Variants in USH2A observed in about 807,000 individuals in gnomAD.
USH2A encodes the protein Usher syndrome 2A (autosomal recessive, mild).
Under a neutral mutation model 538.9 loss-of-function variants are expected in USH2A, and 443 were observed. The observed-to-expected ratio is 0.82, with a 90% confidence interval of 0.76 to 0.89. The LOEUF is 0.89. USH2A is among the 40% of genes least tolerant of loss of function. The pLI is 0.00. For synonymous variants in USH2A, 2,413 were observed against 2,273.5 expected, an observed-to-expected ratio of 1.06 and a Z score of -1.75; for missense variants, 6,633 against 6,324.8, an observed-to-expected ratio of 1.05 and a Z score of -1.65.
At chr1:216,072,165 T>G (rs2031578328) in intron 29 of USH2A, among the ~76,000 whole-genome samples, 1 of 152,200 alleles carries the variant, frequency 6.6e-6, no homozygotes, top group Non-Finnish European at 1.5e-5. Flanking sequence ...GTGTTCAGTT[T>G]CCTGACAAAT....
intron 21 of USH2A, among the ~76,000 whole-genome samples, chr1:216,134,246 CTTATT>C (rs2033435634): frequency 5.3e-5 from 8 of 151,876 alleles, no homozygotes; most frequent in Admixed American, 5.3e-4. Flanking sequence ...TCTCATATTT[CTTATT>C]TATTTTTAAA....
chr1:215,739,308 A>C (rs892490305), intron 60 of USH2A, among the ~76,000 whole-genome samples: 1 of 152,168 alleles, frequency 6.6e-6, no homozygotes, highest in Non-Finnish European at 1.5e-5. Context: ...GATTAGAATA[A>C]TCAGATGCCA....
At chr1:216,168,872 A>T (rs1405705695) in intron 21 of USH2A, among the ~76,000 whole-genome samples, 1 of 152,086 alleles carries the variant, frequency 6.6e-6, no homozygotes, top group Admixed American at 6.6e-5. Flanking sequence ...TTGACTCCCT[A>T]GGATTTCATG....
intron 3 of USH2A, among the ~76,000 whole-genome samples, chr1:216,414,696 C>T (rs756805202): frequency 6.6e-6 from 1 of 151,934 alleles, no homozygotes; most frequent in African/African-American, 2.4e-5. Context: ...TGGGCCATTC[C>T]ACGAATAGAG....
intron 43 of USH2A, among the ~76,000 whole-genome samples, chr1:215,873,077 C>T (rs1031695983): frequency 1.3e-5 from 2 of 151,404 alleles, no homozygotes; most frequent in Admixed American, 6.6e-5. Flanking sequence ...GGAGGTAACA[C>T]ATAATATGAT....
chr1:216,415,817 C>A (rs181237866), intron 3 of USH2A, among the ~76,000 whole-genome samples: 1 of 151,986 alleles, frequency 6.6e-6, no homozygotes, highest in South Asian at 2.1e-4. Context: ...TGAACCACTG[C>A]GCCTGGCCTC....
intron 32 of USH2A, among the ~76,000 whole-genome samples, chr1:216,035,604 A>C (rs1163570027): frequency 1.3e-5 from 2 of 152,196 alleles, no homozygotes; most frequent in Non-Finnish European, 2.9e-5. Flanking sequence ...ATAATTGAGC[A>C]ACAAATATTT....
At chr1:216,078,940 T>A (rs1177293881) in intron 26 of USH2A, 2 of 152,564 alleles carry the variant, frequency 1.3e-5, no homozygotes, top group Non-Finnish European at 2.9e-5. Context: ...ATGTGTATTC[T>A]ATTAGATGAC....
chr1:216,050,341 G>A (rs1261533771), intron 30 of USH2A, among the ~76,000 whole-genome samples: 2 of 152,054 alleles, frequency 1.3e-5, no homozygotes, highest in African/African-American at 4.8e-5. Flanking sequence ...AATAATCTCG[G>A]TCTTGAAGGA....
intron 11 of USH2A, among the ~76,000 whole-genome samples, chr1:216,285,629 G>A (rs942969475): frequency 1.3e-5 from 2 of 152,180 alleles, no homozygotes; most frequent in Non-Finnish European, 2.9e-5. Context: ...CCTCAGAATG[G>A]TAGATCCACC....
intron 9 of USH2A, among the ~76,000 whole-genome samples, chr1:216,304,124 T>C (rs1018955693): frequency 2.0e-5 from 3 of 152,016 alleles, no homozygotes; most frequent in African/African-American, 7.2e-5. Context: ...TACCATTTTA[T>C]GTACCACTCA....
At chr1:215,938,739 A>C (rs1348222284) in intron 37 of USH2A, among the ~76,000 whole-genome samples, 1 of 152,236 alleles carries the variant, frequency 6.6e-6, no homozygotes, top group Non-Finnish European at 1.5e-5. Flanking sequence ...TTTGAAGTTG[A>C]GTTGCCCTCC....
intron 21 of USH2A, among the ~76,000 whole-genome samples, chr1:216,105,442 T>G (rs2032708013): frequency 6.6e-6 from 1 of 152,084 alleles, no homozygotes. Context: ...CTTACCTCTA[T>G]CAAATTTTAA....
chr1:216,050,901 G>A (rs916592528), intron 30 of USH2A, among the ~76,000 whole-genome samples: 21 of 151,904 alleles, frequency 1.4e-4, no homozygotes, highest in African/African-American at 4.6e-4. Context: ...CACTGTGCCC[G>A]GCCGGCCGAC....
intron 55 of USH2A, among the ~76,000 whole-genome samples, chr1:215,767,220 T>C (rs1217673693): frequency 6.6e-6 from 1 of 152,174 alleles, no homozygotes; most frequent in East Asian, 1.9e-4. Context: ...CCTGGGGACA[T>C]ATAGAACAAA....
chr1:216,065,615 A>T (rs1450752520), intron 30 of USH2A, among the ~76,000 whole-genome samples: 2 of 152,316 alleles, frequency 1.3e-5, no homozygotes, highest in African/African-American at 4.8e-5. Context: ...TTAGCAATGC[A>T]GCTGGGTGCA....
At chr1:216,056,932 ATTC>A (rs1234180253) in intron 30 of USH2A, among the ~76,000 whole-genome samples, 1 of 152,190 alleles carries the variant, frequency 6.6e-6, no homozygotes, top group Non-Finnish European at 1.5e-5. Flanking sequence ...CTGGCTGTGC[ATTC>A]TTCTTCTTTA....
chr1:215,839,704 C>T (rs989183274), intron 46 of USH2A, among the ~76,000 whole-genome samples: 2 of 152,060 alleles, frequency 1.3e-5, no homozygotes, highest in Non-Finnish European at 2.9e-5. Context: ...TTCCCAGTCT[C>T]CATTTTGGGA....
At chr1:215,677,580 T>G (rs914794099) in intron 62 of USH2A, among the ~76,000 whole-genome samples, 1 of 152,176 alleles carries the variant, frequency 6.6e-6, no homozygotes, top group African/African-American at 2.4e-5. Context: ...ATTTCTATAC[T>G]CGGGGTGGCT....
Sources: allele counts gnomAD v4.1 joint callset (sites outside exome capture counted in the v4.1 genomes callset), GRCh38; gene constraint gnomAD v4.1.1; transcripts MANE v1.5; gene names NCBI Gene and HGNC (gene_info 2026-07-23, HGNC 2026-07-21).